The following RINT1 variants were observed in gnomAD, a reference collection of about 807,000 sequenced individuals.
RINT1 encodes RAD50-interacting protein 1.
RINT1 carries 75 observed loss-of-function variants against 97.7 expected under a neutral mutation model. That is an observed-to-expected ratio of 0.77 (90% CI 0.64 to 0.93). The LOEUF is 0.93. RINT1 is among the 40% of genes least tolerant of loss of function. The pLI is 0.00. For missense variants in RINT1, 892 were observed against 925.2 expected (o/e 0.96, Z 0.47); for synonymous variants, 303 against 326.3 (o/e 0.93, Z 0.77).
intron 11 of RINT1, among the ~76,000 whole-genome samples, chr7:105,558,700 C>T (rs1443264933): frequency 6.6e-6 from 1 of 152,074 alleles, no homozygotes; most frequent in African/African-American, 2.4e-5. Context: ...TGGCGTACCC[C>T]TGTAGTCCTA....
In RINT1 at chr7:105,564,399, C is replaced by G. The variant is rs74944107; in HGVS notation, c.1886+452C>G. Among the ~76,000 whole-genome samples the G allele has an allele frequency of 2.1e-3, 316 of 152,154 alleles. 1 individual carries two copies. The highest frequency in any genetic ancestry group is 7.0e-3 in the African/African-American group (292 of 41,520). On this transcript the variant is annotated intron_variant, in intron 12 of 14. Coordinates refer to ENST00000257700, the MANE Select transcript of RINT1 (RefSeq NM_021930.6). ...ACCACACCTGGCTGACATTCTTAATCAGAATAAACTGATTATAATTTAGTT... is the reference window on the plus strand; with the variant it reads ...ACCACACCTGGCTGACATTCTTAATGAGAATAAACTGATTATAATTTAGTT...
In RINT1 at chr7:105,547,235, T is replaced by A; in HGVS notation, c.741T>A (p.Pro247=). ...AQLHWPFIAP[P]QSQTVGLSRP... ...TTCATTGGCCATTCATCGCACCCCCTCAATCACAAACTGTTGGCTTAAGTC... is the reference window on the plus strand; with the variant it reads ...TTCATTGGCCATTCATCGCACCCCCACAATCACAAACTGTTGGCTTAAGTC... The change falls in exon 6 of 15, where the codon CCT becomes CCA. Residue 247 remains proline, a synonymous_variant. Transcript: ENST00000257700. The A allele has an allele frequency of 6.2e-7, 1 of 1,614,176 alleles. No homozygotes were observed. Among genetic ancestry groups the A allele is most frequent in the Non-Finnish European group, 8.5e-7 (1 of 1,180,012 alleles).
At chr7:105,540,240 C>T (rs1790403224) in intron 3 of RINT1, among the ~76,000 whole-genome samples, 1 of 151,538 alleles carries the variant, frequency 6.6e-6, no homozygotes, top group Admixed American at 6.6e-5. Flanking sequence ...CCACCATCCT[C>T]AGCTCATTTT....
intron 10 of RINT1, among the ~76,000 whole-genome samples, 164 bp downstream of exon 10, chr7:105,551,871 G>A (rs1293292054): frequency 6.6e-6 from 1 of 152,146 alleles, no homozygotes; most frequent in Non-Finnish European, 1.5e-5. Context: ...TTCGAGAACA[G>A]CCTGGGGTAC....
intron 10 of RINT1, among the ~76,000 whole-genome samples, chr7:105,554,018 C>T (rs527675416): frequency 6.6e-6 from 1 of 150,698 alleles, no homozygotes; most frequent in East Asian, 2.0e-4. Context: ...CCTGCCTCAG[C>T]CTCCCGAGTA....
chr7:105,567,008 G>C (rs1791787531), intron 14 of RINT1, 111 bp from the exon 15 acceptor site: 1 of 540,730 alleles, frequency 1.8e-6, no homozygotes, highest in African/African-American at 2.0e-5. Flanking sequence ...TATTTTTATA[G>C]AGAACATGTG....
intron 11 of RINT1, among the ~76,000 whole-genome samples, chr7:105,556,453 T>C (rs1204963245): frequency 1.3e-5 from 2 of 152,070 alleles, no homozygotes; most frequent in African/African-American, 4.8e-5. Context: ...ATCTCAGATA[T>C]CATATTTCAT....
chr7:105,537,115 C>A, intron 3 of RINT1, among the ~76,000 whole-genome samples: 1 of 128,194 alleles, frequency 7.8e-6, no homozygotes. Context: ...GTGTAAACAC[C>A]ATCATTTCAA....
rs779314118 is a variant in RINT1 at position 105,555,238 on chromosome 7, A to T, written c.1671+11A>T. Reference sequence around the variant, plus strand: ...TGGGCTGACAATGTTGTGAGTTAATATGCTTTTATATTAAGTAATATATAC... The same window carrying T: ...TGGGCTGACAATGTTGTGAGTTAATTTGCTTTTATATTAAGTAATATATAC... On this transcript the variant is annotated intron_variant, in intron 11 of 14. Coordinates refer to ENST00000257700, the MANE Select transcript of RINT1 (RefSeq NM_021930.6). The T allele has an allele frequency of 6.2e-7, 1 of 1,601,214 alleles. No individual in the cohort carries two copies. The highest frequency in any genetic ancestry group is 8.5e-7 in the Non-Finnish European group (1 of 1,171,070).
At chr7:105,551,467 TTC>T in intron 9 of RINT1, 101 bp from the exon 10 acceptor site, 1 of 1,036,294 alleles carries the variant, frequency 9.6e-7, no homozygotes, top group Non-Finnish European at 1.4e-6. Context: ...GTAGGTTTGT[TTC>T]TTTTTTATAG....
chr7:105,544,889 C>T (rs187955347), intron 4 of RINT1, among the ~76,000 whole-genome samples: 1 of 152,154 alleles, frequency 6.6e-6, no homozygotes, highest in Non-Finnish European at 1.5e-5. Flanking sequence ...ATGATAATCT[C>T]TCCATTTCCA....
rs1042865886 is a variant in RINT1 at position 105,546,196 on chromosome 7, A to G, written c.516-714A>G. 3.9e-4 allele frequency among the ~76,000 whole-genome samples: 60 copies of G among 152,342 alleles called. 1 individual carries two copies. Among genetic ancestry groups the G allele is most frequent in the African/African-American group, 1.4e-3 (58 of 41,588 alleles). On this transcript the variant is annotated intron_variant, in intron 4 of 14. Transcript: ENST00000257700. ...GCAAAGTATGTAACAATTGAAGACC[A>G]TCATACTTGACTTTACCAGATACTA...
intron 11 of RINT1, among the ~76,000 whole-genome samples, chr7:105,560,494 AAG>A (rs770489553): frequency 6.6e-6 from 1 of 152,146 alleles, no homozygotes; most frequent in African/African-American, 2.4e-5. Context: ...GGGAGAGACA[AAG>A]AGAGATGATT....
chr7:105,538,942 A>G (rs1032842843), intron 3 of RINT1, among the ~76,000 whole-genome samples: 1 of 152,180 alleles, frequency 6.6e-6, no homozygotes, highest in Non-Finnish European at 1.5e-5. Flanking sequence ...GCACATAGAC[A>G]GGTCTTTTCC....
At chr7:105,565,186 G>T in intron 12 of RINT1, 91 bp from the exon 13 acceptor site, 1 of 1,178,428 alleles carries the variant, frequency 8.5e-7, no homozygotes, top group South Asian at 1.6e-5. Context: ...AAATGCCCTA[G>T]GACAGAACAC....
intron 14 of RINT1, 70 bp downstream of exon 14, chr7:105,565,718 T>A: frequency 9.5e-7 from 1 of 1,048,534 alleles, no homozygotes; most frequent in Non-Finnish European, 1.4e-6. Flanking sequence ...CTTTTAACTT[T>A]AGGGTTCTGG....
At chr7:105,545,450 T>TAAA (rs886298162) in intron 4 of RINT1, among the ~76,000 whole-genome samples, 2 of 138,908 alleles carry the variant, frequency 1.4e-5, no homozygotes, top group African/African-American at 2.7e-5. Flanking sequence ...GAGACTCTTT[T>TAAA]AAAAAAAAAA....
intron 7 of RINT1, among the ~76,000 whole-genome samples, chr7:105,548,990 CTT>C (rs759190562): frequency 6.3e-5 from 9 of 143,760 alleles, no homozygotes; most frequent in Non-Finnish European, 3.1e-5. Flanking sequence ...TATTTCTTTT[CTT>C]TTTTTTTTTT....
chr7:105,539,960 T>G (rs770540667), intron 3 of RINT1, among the ~76,000 whole-genome samples: 5 of 152,226 alleles, frequency 3.3e-5, no homozygotes, highest in Non-Finnish European at 7.3e-5. Context: ...ACAGAATAAG[T>G]ATCTAATCAC....
Sources: gnomAD v4.1 joint callset for allele counts (sites outside exome capture counted in the v4.1 genomes callset) on GRCh38, gnomAD v4.1.1 for gene constraint, MANE v1.5 for transcripts, NCBI Gene and HGNC (gene_info 2026-07-23, HGNC 2026-07-21) for gene names.